CAP1: variants seen among roughly 807,000 people sequenced by gnomAD.
CAP1 encodes cyclase associated actin cytoskeleton regulatory protein 1.
A neutral mutation model predicts 58.2 loss-of-function variants in CAP1; 11 were observed. That is an observed-to-expected ratio of 0.19 (90% CI 0.12 to 0.31). CAP1 has a LOEUF of 0.31. CAP1 is among the 10% of genes least tolerant of loss of function. The pLI is 1.00. For synonymous variants in CAP1, 183 were observed against 213.8 expected (o/e 0.86, Z 1.26); for missense variants, 423 against 587.5 (o/e 0.72, Z 2.89).
chr1:40,070,671 A>C, intron 11 of CAP1, 159 bp downstream of exon 11: 1 of 901,788 alleles, frequency 1.1e-6, no homozygotes, highest in Non-Finnish European at 1.7e-6. Flanking sequence ...TCTTCAAGCA[A>C]GTTCTTTTCA....
intron 4 of CAP1, among the ~76,000 whole-genome samples, chr1:40,062,065 C>T (rs1646875359): frequency 6.6e-6 from 1 of 152,154 alleles, no homozygotes; most frequent in Non-Finnish European, 1.5e-5. Flanking sequence ...ACTTTGCTTG[C>T]CTGCCTCTTT....
chr1:40,067,260 T>C (rs191294593), intron 7 of CAP1: 2 of 384,668 alleles, frequency 5.2e-6, no homozygotes, highest in African/African-American at 2.1e-5. Context: ...GGTAACACAC[T>C]AAGGAAGATG....
At chr1:40,051,890 G>GT (rs1482685241) in intron 1 of CAP1, among the ~76,000 whole-genome samples, 2 of 151,914 alleles carry the variant, frequency 1.3e-5, no homozygotes, top group Admixed American at 1.3e-4. Context: ...GTTTTGTTTT[G>GT]TTTTTTAAAT....
chr1:40,055,392 C>T lies in CAP1; in HGVS notation c.-10-3945C>T, dbSNP rs868519256. On this transcript the variant is annotated intron_variant, in intron 1 of 12. Coordinates refer to ENST00000372805, the MANE Select transcript of CAP1 (RefSeq NM_006367.4). ...TATTTCTTTAATACCATTCAGTACT[C>T]TGGGAAGTGTTGAGATAGATCACTC... Among the ~76,000 whole-genome samples the T allele has an allele frequency of 2.6e-5, 4 of 152,190 alleles. No homozygotes were observed. In the South Asian group the frequency reaches 8.3e-4, roughly 31 times the overall value.
chr1:40,070,696 C>G, intron 11 of CAP1, 140 bp from the exon 12 acceptor site: 1 of 901,208 alleles, frequency 1.1e-6, no homozygotes, highest in Non-Finnish European at 1.7e-6. Flanking sequence ...CCATCCCAAC[C>G]CACCCGAGTA....
chr1:40,064,577 T>C lies in CAP1; in HGVS notation c.524+18T>C. 6.3e-7 allele frequency: 1 copy of C among 1,583,612 alleles called. No homozygotes were observed. The highest frequency in any genetic ancestry group is 2.2e-5 in the East Asian group (1 of 44,742). On this transcript the variant is annotated intron_variant, in intron 6 of 12. Coordinates refer to ENST00000372805, the MANE Select transcript of CAP1 (RefSeq NM_006367.4). ...AAAGATGTGTAAGTTCAGCCTTTTCTCTCTTTTTTTCTTTTCTGAGACAGT... is the reference window on the plus strand; with the variant it reads ...AAAGATGTGTAAGTTCAGCCTTTTCCCTCTTTTTTTCTTTTCTGAGACAGT...
At chr1:40,050,513 G>A (rs1316094042) in intron 1 of CAP1, among the ~76,000 whole-genome samples, 1 of 127,386 alleles carries the variant, frequency 7.9e-6, no homozygotes, top group East Asian at 2.3e-4. Context: ...ACAAAAATTC[G>A]CCGGGCGTGG....
chr1:40,050,555 A>G (rs1018657995), intron 1 of CAP1, among the ~76,000 whole-genome samples: 6 of 151,804 alleles, frequency 4.0e-5, no homozygotes, highest in Admixed American at 3.9e-4. Flanking sequence ...GCTACTCGGG[A>G]GGCTGAGGCA....
intron 12 of CAP1, 63 bp downstream of exon 12, chr1:40,071,042 T>A (rs1303905774): frequency 9.0e-6 from 13 of 1,451,832 alleles, no homozygotes; most frequent in Non-Finnish European, 1.2e-5. Flanking sequence ...TTTCTGGCAT[T>A]GAAGAAAGCT....
intron 1 of CAP1, among the ~76,000 whole-genome samples, chr1:40,050,477 GGC>G (rs1260765770): frequency 2.8e-4 from 42 of 151,376 alleles, no homozygotes; most frequent in African/African-American, 1.0e-3. Flanking sequence ...AGGCCAACAT[GGC>G]GAAACCTTGT....
chr1:40,059,599 A>G (rs1191493155), intron 2 of CAP1, 141 bp downstream of exon 2: 1 of 586,328 alleles, frequency 1.7e-6, no homozygotes. Context: ...CTGTGAACAG[A>G]TAAGAGAGGA....
chr1:40,053,561 C>T (rs1160144440), intron 1 of CAP1, among the ~76,000 whole-genome samples: 2 of 152,132 alleles, frequency 1.3e-5, no homozygotes. Context: ...AGCAATTCTG[C>T]CTTAGCTTCC....
chr1:40,057,080 T>A (rs1411920039), intron 1 of CAP1, among the ~76,000 whole-genome samples: 3 of 152,176 alleles, frequency 2.0e-5, no homozygotes, highest in Admixed American at 1.3e-4. Flanking sequence ...GGAGCCAAAG[T>A]CCCATGAAGC....
intron 1 of CAP1, among the ~76,000 whole-genome samples, chr1:40,049,058 G>GC (rs1292568429): frequency 1.3e-5 from 2 of 152,010 alleles, no homozygotes; most frequent in Non-Finnish European, 2.9e-5. Flanking sequence ...AGAACTGCAC[G>GC]CATAACCTGG....
At chr1:40,057,339 A>G (rs1646659283) in intron 1 of CAP1, 1 of 152,096 alleles carries the variant, frequency 6.6e-6, no homozygotes, top group Admixed American at 6.5e-5. Context: ...CTGTCTCTTG[A>G]TCAGTATGCA....
In CAP1 at chr1:40,062,773, T is replaced by TTGTGTGTGTGTGTGTGTGTGTGTG. The variant is rs1169359200; in HGVS notation, c.294+963_294+986dup. 3.2e-3 allele frequency among the ~76,000 whole-genome samples: 468 copies of TTGTGTGTGTGTGTGTGTGTGTGTG among 145,606 alleles called. 2 individuals are homozygous for TTGTGTGTGTGTGTGTGTGTGTGTG. Among genetic ancestry groups the TTGTGTGTGTGTGTGTGTGTGTGTG allele is most frequent in the East Asian group, 0.012 (59 of 4,958 alleles). ...GAGCAAGACCTTCTCTCAAAAAACA[T>TTGTGTGTGTGTGTGTGTGTGTGTG]TGTGTGTGTGTGTGTGTGTGTGTGT... On this transcript the variant is annotated intron_variant, in intron 4 of 12. Transcript: ENST00000372805.
chr1:40,056,772 G>A (rs529766372), intron 1 of CAP1, among the ~76,000 whole-genome samples: 2 of 152,122 alleles, frequency 1.3e-5, no homozygotes, highest in East Asian at 1.9e-4. Context: ...GAATGTACGT[G>A]TGTATAGAGA....
At chr1:40,056,806 A>C (rs1053758690) in intron 1 of CAP1, among the ~76,000 whole-genome samples, 2 of 152,150 alleles carry the variant, frequency 1.3e-5, no homozygotes, top group Admixed American at 6.5e-5. Context: ...TGTCTTTCAC[A>C]CAACTGAATC....
chr1:40,053,435 TA>T (rs1291163250), intron 1 of CAP1, among the ~76,000 whole-genome samples: 1 of 152,044 alleles, frequency 6.6e-6, no homozygotes, highest in Non-Finnish European at 1.5e-5. Flanking sequence ...CTTTACTCAC[TA>T]GTTGTTTGAC....
Sources: gnomAD v4.1 joint callset for allele counts (sites outside exome capture counted in the v4.1 genomes callset) on GRCh38, gnomAD v4.1.1 for gene constraint, MANE v1.5 for transcripts, NCBI Gene and HGNC (gene_info 2026-07-23, HGNC 2026-07-21) for gene names.